The following LYRM4 variants were observed in gnomAD, a reference collection of about 807,000 sequenced individuals.
LYRM4 encodes LYR motif-containing protein 4.
In LYRM4, 9 loss-of-function variants were observed where a neutral mutation model predicts 11.7. That is an observed-to-expected ratio of 0.77 (90% CI 0.46 to 1.34). LYRM4 has a LOEUF of 1.34. LYRM4 is among the 40% of genes most tolerant of loss of function. The pLI, the probability that LYRM4 is intolerant of heterozygous loss-of-function variation, is 0.00. For missense variants in LYRM4, 133 were observed against 112.5 expected (o/e 1.18, Z -0.82); for synonymous variants, 42 against 40.4 (o/e 1.04, Z -0.15).
At chr6:5,109,861 T>C (rs141841566) in intron 2 of LYRM4, among the ~76,000 whole-genome samples, 11 of 152,284 alleles carry the variant, frequency 7.2e-5, no homozygotes, top group African/African-American at 1.9e-4. Flanking sequence ...GATTCTCGCA[T>C]AGGGAAGGGG....
At chr6:5,044,115 G>GT in the LYRM4 span, among the ~76,000 whole-genome samples, 11 of 76,452 alleles carry the variant, frequency 1.4e-4, no homozygotes, top group East Asian at 2.1e-3. Context: ...TTTTTTGTGG[G>GT]GTTTTTTTTG....
intron 2 of LYRM4, among the ~76,000 whole-genome samples, chr6:5,194,180 G>A (rs1050934630): frequency 6.6e-6 from 1 of 152,004 alleles, no homozygotes; most frequent in Non-Finnish European, 1.5e-5. Flanking sequence ...AGCTTCATAC[G>A]CTCCATTTGG....
At chr6:5,257,772 C>A (rs1241218129) in intron 1 of LYRM4, among the ~76,000 whole-genome samples, 4 of 152,162 alleles carry the variant, frequency 2.6e-5, no homozygotes, top group Admixed American at 2.6e-4. Flanking sequence ...CCATCCCCTC[C>A]CTTGACCCGG....
chr6:5,245,126 A>G (rs1168513903), intron 1 of LYRM4, among the ~76,000 whole-genome samples: 3 of 52,562 alleles, frequency 5.7e-5, no homozygotes, highest in Non-Finnish European at 7.2e-5. Context: ...ATATATATAT[A>G]TATATATATA....
At chr6:5,231,158 T>A (rs1365895336) in intron 1 of LYRM4, among the ~76,000 whole-genome samples, 2 of 151,772 alleles carry the variant, frequency 1.3e-5, no homozygotes, top group African/African-American at 4.8e-5. Context: ...GCACCTATAA[T>A]CCCAGCTACT....
At chr6:5,077,260 G>A in the LYRM4 span, among the ~76,000 whole-genome samples, 14 of 152,216 alleles carry the variant, frequency 9.2e-5, no homozygotes, top group East Asian at 1.9e-4. Context: ...CAGTGAGAAC[G>A]CAAAGTTCTT....
chr6:5,171,679 A>G (rs1290786647), intron 2 of LYRM4, among the ~76,000 whole-genome samples: 13 of 152,228 alleles, frequency 8.5e-5, no homozygotes, highest in Non-Finnish European at 7.3e-5. Flanking sequence ...AAACATTTTA[A>G]GAGTCTAACG....
chr6:5,069,221 C>A, the LYRM4 span, among the ~76,000 whole-genome samples: 1 of 152,044 alleles, frequency 6.6e-6, no homozygotes, highest in African/African-American at 2.4e-5. Context: ...GATTTCTTTT[C>A]ACTCTTCAAA....
intron 2 of LYRM4, among the ~76,000 whole-genome samples, chr6:5,168,505 G>A (rs192194416): frequency 1.2e-4 from 19 of 152,224 alleles, no homozygotes; most frequent in Admixed American, 1.0e-3. Flanking sequence ...CCAGACTGCA[G>A]GACACCTGGC....
intron 1 of LYRM4, 22 bp downstream of exon 1, chr6:5,260,625 GC>G (rs1417423373): frequency 3.1e-6 from 3 of 983,578 alleles, no homozygotes; most frequent in East Asian, 3.6e-5. Context: ...CCCGCCCCCG[GC>G]CCCCGGTGCC....
rs1198408218 is a variant in LYRM4, at chr6:5,118,809, C to A, written c.208-9318G>T. On this transcript the variant is annotated intron_variant, in intron 2 of 2. Transcript: ENST00000330636. ...AGAAGTATTGTGAAACCCAAACTTA[C>A]GAATATCGACCCCATGGTATTCCTC... Among the ~76,000 whole-genome samples, 4 of 152,342 alleles carry A rather than the reference C, an allele frequency of 2.6e-5. No homozygotes were observed. In the East Asian group the frequency reaches 5.8e-4, roughly 22 times the overall value.
chr6:5,216,971 C>T (rs573639569), intron 1 of LYRM4, among the ~76,000 whole-genome samples: 1 of 152,318 alleles, frequency 6.6e-6, no homozygotes, highest in East Asian at 1.9e-4. Context: ...TGGCAAACTG[C>T]TACTGAAGTG....
chr6:5,081,559 G>A, the LYRM4 span, among the ~76,000 whole-genome samples: 1 of 152,024 alleles, frequency 6.6e-6, no homozygotes, highest in African/African-American at 2.4e-5. Context: ...GGGAACATCA[G>A]GGCTGCTCAA....
At position 5,109,651 on chromosome 6, in the gene LYRM4, A is replaced by C. The variant is rs1415424719; in HGVS notation, c.208-160T>G. On this transcript the variant is annotated intron_variant, in intron 2 of 2. Coordinates refer to ENST00000330636, the MANE Select transcript of LYRM4 (RefSeq NM_020408.6). Reference sequence around the variant, plus strand: ...GCGGGGCAAAGCCGGCCACTAGAGCACCATCCAACCCCCGTTTCCCTCACT... The same window carrying C: ...GCGGGGCAAAGCCGGCCACTAGAGCCCCATCCAACCCCCGTTTCCCTCACT... Among the ~76,000 whole-genome samples the C allele has an allele frequency of 2.0e-5, 3 of 152,342 alleles. No homozygotes were observed. The East Asian group carries it at 5.8e-4, about 29-fold the overall frequency.
chr6:5,216,878 G>C, intron 1 of LYRM4, 140 bp from the exon 2 acceptor site: 1 of 1,030,352 alleles, frequency 9.7e-7, no homozygotes, highest in Non-Finnish European at 1.4e-6. Context: ...TTTGCTCGTG[G>C]CGCAGGCTGA....
intron 1 of LYRM4, among the ~76,000 whole-genome samples, chr6:5,258,213 G>A (rs112696319): frequency 3.4e-4 from 52 of 152,290 alleles, no homozygotes; most frequent in African/African-American, 1.1e-3. Flanking sequence ...CTATCAAAAC[G>A]TGGCCTATAT....
intron 1 of LYRM4, among the ~76,000 whole-genome samples, chr6:5,231,015 G>A (rs934926386): frequency 3.3e-5 from 5 of 152,132 alleles, no homozygotes; most frequent in South Asian, 2.1e-4. Flanking sequence ...GGTGGCTCAC[G>A]CCTGTAATCC....
chr6:5,222,593 G>C (rs752217822), intron 1 of LYRM4, among the ~76,000 whole-genome samples: 52 of 152,058 alleles, frequency 3.4e-4, no homozygotes, highest in Non-Finnish European at 6.2e-4. Flanking sequence ...CTCTTGAATG[G>C]GGCGGTGTTT....
Position 5,147,015 on chromosome 6 carries a change from T to TC in LYRM4, c.208-37525dup, listed in dbSNP as rs373678692. 5.3e-3 allele frequency among the ~76,000 whole-genome samples: 801 copies of TC among 152,110 alleles called. 8 individuals are homozygous for TC. Among genetic ancestry groups the TC allele is most frequent in the African/African-American group, 0.018 (764 of 41,460 alleles). On this transcript the variant is annotated intron_variant, in intron 2 of 2. Transcript: ENST00000330636. ...GATGGAATGATTTCCCCATCATCTA[T>TC]CCCCCAGAGGCAGGGGCTTTTCCTA...
Sources: allele counts gnomAD v4.1 joint callset (sites outside exome capture counted in the v4.1 genomes callset), GRCh38; gene constraint gnomAD v4.1.1; transcripts MANE v1.5; gene names NCBI Gene and HGNC (gene_info 2026-07-23, HGNC 2026-07-21).